Variants in CFAP95 observed in about 807,000 individuals in gnomAD.
The protein encoded by CFAP95 is cilia- and flagella-associated protein 95.
At chr9:69,869,429 G>A in the CFAP95 span, among the ~76,000 whole-genome samples, 1 of 152,166 alleles carries the variant, frequency 6.6e-6, no homozygotes, top group East Asian at 1.9e-4. Context: ...AGAGTAGAAT[G>A]GTGGTTGTCA....
the CFAP95 span, among the ~76,000 whole-genome samples, chr9:69,879,416 G>A: frequency 0.01 from 1,546 of 152,258 alleles, 28 homozygotes; most frequent in African/African-American, 0.035. Context: ...CAGCATGGAC[G>A]AGGGGAAGCA....
the CFAP95 span, among the ~76,000 whole-genome samples, chr9:69,870,919 G>A: frequency 6.6e-6 from 1 of 152,134 alleles, no homozygotes; most frequent in Non-Finnish European, 1.5e-5. Flanking sequence ...GATGAAGGAT[G>A]TACAAAAAAG....
chr9:69,884,006 C>T, the CFAP95 span, among the ~76,000 whole-genome samples: 6 of 151,850 alleles, frequency 4.0e-5, no homozygotes, highest in African/African-American at 1.5e-4. Flanking sequence ...GGTGTTTCTT[C>T]TTTTTTGATG....
the CFAP95 span, among the ~76,000 whole-genome samples, chr9:69,865,862 G>T: frequency 6.6e-6 from 1 of 152,038 alleles, no homozygotes; most frequent in Non-Finnish European, 1.5e-5. Context: ...TTATGTACCA[G>T]GCACTATTCT....
chr9:69,881,538 C>T, the CFAP95 span, among the ~76,000 whole-genome samples: 1 of 152,128 alleles, frequency 6.6e-6, no homozygotes, highest in Non-Finnish European at 1.5e-5. Context: ...TGTTTTTATG[C>T]TAATACCATG....
chr9:69,844,643 C>T, the CFAP95 span: 4 of 1,564,664 alleles, frequency 2.6e-6, no homozygotes, highest in Non-Finnish European at 3.5e-6. Context: ...GTTGCTATTA[C>T]TTCGTTTGAA....
At chr9:69,834,690 C>G in the CFAP95 span, among the ~76,000 whole-genome samples, 1 of 152,160 alleles carries the variant, frequency 6.6e-6, no homozygotes, top group Non-Finnish European at 1.5e-5. Context: ...ATGTGCCACT[C>G]AATATATGCT....
chr9:69,861,868 T>C, the CFAP95 span, among the ~76,000 whole-genome samples: 1 of 151,212 alleles, frequency 6.6e-6, no homozygotes, highest in Non-Finnish European at 1.5e-5. Context: ...CTTGATGTTA[T>C]CAAGTCTCAC....
the CFAP95 span, among the ~76,000 whole-genome samples, chr9:69,894,541 G>T: frequency 6.6e-6 from 1 of 152,128 alleles, no homozygotes; most frequent in African/African-American, 2.4e-5. Context: ...TATCTTACAT[G>T]TATTAGCTCA....
the CFAP95 span, among the ~76,000 whole-genome samples, chr9:69,856,018 C>A: frequency 8.5e-5 from 13 of 152,270 alleles, no homozygotes; most frequent in African/African-American, 2.9e-4. Context: ...TCCCTTACAT[C>A]CATTTTTGTT....
chr9:69,896,292 A>G, the CFAP95 span, among the ~76,000 whole-genome samples: 1 of 152,250 alleles, frequency 6.6e-6, no homozygotes, highest in Admixed American at 6.5e-5. Context: ...ACAAACAAAT[A>G]TATCAACAGC....
the CFAP95 span, among the ~76,000 whole-genome samples, chr9:69,876,083 A>G: frequency 6.6e-6 from 1 of 152,206 alleles, no homozygotes; most frequent in Non-Finnish European, 1.5e-5. Flanking sequence ...TGCACCTTCA[A>G]TTTTGCAAGA....
the CFAP95 span, among the ~76,000 whole-genome samples, chr9:69,865,976 T>C: frequency 6.6e-6 from 1 of 152,116 alleles, no homozygotes; most frequent in Non-Finnish European, 1.5e-5. Context: ...CACAGAGAAG[T>C]AAATAACATG....
At chr9:69,903,384 C>T in the CFAP95 span, among the ~76,000 whole-genome samples, 1 of 152,186 alleles carries the variant, frequency 6.6e-6, no homozygotes, top group South Asian at 2.1e-4. Flanking sequence ...TTAGATTCTG[C>T]TCCTAGACCT....
the CFAP95 span, among the ~76,000 whole-genome samples, chr9:69,826,460 T>A: frequency 6.6e-6 from 1 of 152,056 alleles, no homozygotes; most frequent in Admixed American, 6.6e-5. Context: ...TCTTTCTACA[T>A]CTCCAACACA....
At chr9:69,848,223 C>T in the CFAP95 span, among the ~76,000 whole-genome samples, 1 of 152,150 alleles carries the variant, frequency 6.6e-6, no homozygotes, top group Non-Finnish European at 1.5e-5. Flanking sequence ...TGTGAATCCT[C>T]GGTCCCAGAT....
chr9:69,857,870 C>G, the CFAP95 span: 1 of 1,589,454 alleles, frequency 6.3e-7, no homozygotes, highest in Non-Finnish European at 8.6e-7. Context: ...ACACATTACA[C>G]TCTAACAAGT....
At chr9:69,892,226 C>T in the CFAP95 span, among the ~76,000 whole-genome samples, 2 of 152,126 alleles carry the variant, frequency 1.3e-5, no homozygotes, top group African/African-American at 2.4e-5. Flanking sequence ...AATATGTTCA[C>T]GGGCCCCTAA....
chr9:69,828,049 G>A, the CFAP95 span, among the ~76,000 whole-genome samples: 1 of 152,182 alleles, frequency 6.6e-6, no homozygotes, highest in Non-Finnish European at 1.5e-5. Context: ...CCTCCCTGTG[G>A]TATATTTGGG....
Sources: gnomAD v4.1 joint callset for allele counts (sites outside exome capture counted in the v4.1 genomes callset) on GRCh38, gnomAD v4.1.1 for gene constraint, MANE v1.5 for transcripts, NCBI Gene and HGNC (gene_info 2026-07-23, HGNC 2026-07-21) for gene names.